Variants in FBLN5 observed in about 807,000 individuals in gnomAD.
The protein encoded by FBLN5 is fibulin 5, also known as fibulin-5.
FBLN5 carries 24 observed loss-of-function variants against 61.6 expected under a neutral mutation model. That is an observed-to-expected ratio of 0.39 (90% CI 0.28 to 0.55). The LOEUF is 0.55. Among genes scored for constraint, FBLN5 ranks in the 20% least tolerant of loss-of-function variants. The pLI is 0.65. For synonymous variants in FBLN5, 213 were observed against 219.8 expected (o/e 0.97, Z 0.27); for missense variants, 470 against 594.1 (o/e 0.79, Z 2.17).
At chr14:91,891,375 CT>C (rs762077090) in intron 5 of FBLN5, 38 bp from the exon 6 acceptor site, 1 of 1,311,036 alleles carries the variant, frequency 7.6e-7, no homozygotes, top group Admixed American at 1.7e-5. Flanking sequence ...GACAGGTCTC[CT>C]CACTCAATGA....
chr14:91,919,401 G>GGAAA (rs1429614614), intron 4 of FBLN5, among the ~76,000 whole-genome samples: 1 of 149,002 alleles, frequency 6.7e-6, no homozygotes, highest in Admixed American at 6.7e-5. Context: ...AAGGAAGGAA[G>GGAAA]GAAGGAAGGA....
At position 91,894,855 on chromosome 14, in the gene FBLN5, C is replaced by A. The variant is rs1181375340; in HGVS notation, c.502+95G>T. On this transcript the variant is annotated intron_variant, in intron 5 of 10. Coordinates refer to ENST00000342058, the MANE Select transcript of FBLN5 (RefSeq NM_006329.4). ...GCCCTCCCTAGCAAAGAAAAGCTTACTACCCTCAGGCAGCCAGCTATGCCC... is the reference window on the plus strand; with the variant it reads ...GCCCTCCCTAGCAAAGAAAAGCTTAATACCCTCAGGCAGCCAGCTATGCCC... 5 of 550,768 alleles carry A rather than the reference C, an allele frequency of 9.1e-6. No individual in the cohort carries two copies. The Middle Eastern group carries it at 9.6e-4, about 105-fold the overall frequency. The allele number at this position is 550,768 out of a possible 1,614,324, so 34.1% of individuals were successfully genotyped here.
At position 91,907,549 on chromosome 14, in the gene FBLN5, G is replaced by A. The variant is rs117619064; in HGVS notation, c.380-12477C>T. Among the ~76,000 whole-genome samples, 73 of 152,148 alleles carry A rather than the reference G, an allele frequency of 4.8e-4. No homozygotes were observed. In the East Asian group the frequency reaches 0.014, roughly 29 times the overall value. On this transcript the variant is annotated intron_variant, in intron 4 of 10. Transcript: ENST00000342058. Reference sequence around the variant, plus strand: ...CACTGTACAGTCAGAGAGCCGGGGGGAGCTTCACTGGAGCAGTTAAAACAC... The same window carrying A: ...CACTGTACAGTCAGAGAGCCGGGGGAAGCTTCACTGGAGCAGTTAAAACAC...
intron 4 of FBLN5, among the ~76,000 whole-genome samples, chr14:91,903,028 C>T (rs1890524298): frequency 6.6e-6 from 1 of 152,102 alleles, no homozygotes; most frequent in African/African-American, 2.4e-5. Flanking sequence ...CTCAGCATCA[C>T]ACAAAATACC....
In FBLN5 at chr14:91,883,009, G is replaced by A. The variant is rs1889549306; in HGVS notation, c.807C>T (p.Tyr269=). The change falls in exon 8 of 11, where the codon TAC becomes TAT. Residue 269 remains tyrosine, a synonymous_variant. Coordinates refer to ENST00000342058, the MANE Select transcript of FBLN5 (RefSeq NM_006329.4). ...QHECVNQPGT[Y]FCSCPPGYIL... ...TGTAGCCTGGAGGGCAGGAGCAGAA[G>A]TATGTGCCGGGCTGGTTCACACACT... 2 of 1,614,186 alleles carry A rather than the reference G, an allele frequency of 1.2e-6. No homozygotes were observed. Among genetic ancestry groups the A allele is most frequent in the Non-Finnish European group, 8.5e-7 (1 of 1,179,988 alleles).
At chr14:91,889,601 C>T (rs1327560882) in intron 6 of FBLN5, among the ~76,000 whole-genome samples, 1 of 152,240 alleles carries the variant, frequency 6.6e-6, no homozygotes. Flanking sequence ...CTGCTGACCT[C>T]AAGAGGCTAT....
At chr14:91,912,817 A>G (rs1393393905) in intron 4 of FBLN5, among the ~76,000 whole-genome samples, 2 of 151,878 alleles carry the variant, frequency 1.3e-5, no homozygotes, top group Non-Finnish European at 2.9e-5. Flanking sequence ...CTCAAAAAAA[A>G]AAAAAAAAAG....
At chr14:91,899,881 G>C (rs934827629) in intron 4 of FBLN5, among the ~76,000 whole-genome samples, 1 of 152,138 alleles carries the variant, frequency 6.6e-6, no homozygotes, top group African/African-American at 2.4e-5. Context: ...GAAGAAACTG[G>C]CCTCAACACA....
rs1400574705 is a variant in FBLN5, at chr14:91,870,110, C to T, written c.*114G>A. On this transcript the variant is annotated 3_prime_UTR_variant, in exon 11 of 11. Coordinates refer to ENST00000342058, the MANE Select transcript of FBLN5 (RefSeq NM_006329.4). ...AGTCGGGGCTGACTCTTCGGGGAAA[C>T]GTTCAGCAGGAAATGCCTAACGTCT... The T allele has an allele frequency of 2.6e-5, 29 of 1,125,256 alleles. No homozygotes were observed. The highest frequency in any genetic ancestry group is 5.6e-5 in the Admixed American group (3 of 54,004). 69.7% of individuals were successfully genotyped at this position (1,125,256 alleles called of 1,614,324 possible). A position where few individuals can be genotyped will look rare whatever the true frequency, so the allele number is the denominator to read the frequency against.
intron 10 of FBLN5, chr14:91,873,416 A>T (rs891972668): frequency 1.3e-5 from 2 of 152,384 alleles, no homozygotes; most frequent in Non-Finnish European, 2.9e-5. Flanking sequence ...ACTGCATGGT[A>T]CTAGACTTTA....
At chr14:91,881,149 ACACACGCATGAG>A in intron 9 of FBLN5, 131 bp downstream of exon 9, 16 of 775,898 alleles carry the variant, frequency 2.1e-5, no homozygotes, top group Non-Finnish European at 2.9e-5. Context: ...ACACACACAC[ACACACGCATGAG>A]CACATGACGT....
intron 4 of FBLN5, among the ~76,000 whole-genome samples, chr14:91,915,920 A>C (rs1805286702): frequency 6.6e-6 from 1 of 152,102 alleles, no homozygotes; most frequent in Admixed American, 6.5e-5. Flanking sequence ...TGGACACCAA[A>C]ACTAGTAAGA....
At chr14:91,921,066 C>A (rs192477940) in intron 4 of FBLN5, among the ~76,000 whole-genome samples, 175 of 152,322 alleles carry the variant, frequency 1.1e-3, no homozygotes, top group Admixed American at 2.2e-3. Flanking sequence ...TTTTAATTCT[C>A]TTACCCAGAT....
chr14:91,933,584 A>T (rs2055963801), intron 4 of FBLN5, among the ~76,000 whole-genome samples: 1 of 152,128 alleles, frequency 6.6e-6, no homozygotes, highest in Middle Eastern at 3.2e-3. Flanking sequence ...TTGTTTTTGT[A>T]AAGAATTTCT....
chr14:91,907,924 G>A (rs1017660294), intron 4 of FBLN5, among the ~76,000 whole-genome samples: 3 of 151,880 alleles, frequency 2.0e-5, no homozygotes, highest in African/African-American at 7.3e-5. Context: ...ATGTCTCTGA[G>A]TTAGCTTCAA....
In FBLN5 at chr14:91,882,989, C is replaced by T. The variant is rs1157582746; in HGVS notation, c.827G>A (p.Gly276Asp). 6.2e-7 allele frequency: 1 copy of T among 1,613,990 alleles called. No individual in the cohort carries two copies. The highest frequency in any genetic ancestry group is 1.3e-5 in the African/African-American group (1 of 74,918). ...TCGGTTGTCATCCAGCAGGATGTAG[C>T]CTGGAGGGCAGGAGCAGAAGTATGT... ...PGTYFCSCPP[G>D]YILLDDNRSC... is the part of the protein sequence containing the mutation. Residue 276 changes from glycine (G) to aspartate (D), a missense_variant, in exon 8 of 11, where the codon GGC (glycine) becomes GAC (aspartate). Physicochemically the swap from Gly to Asp is moderately conservative, Grantham distance 94 (BLOSUM62 -1). Coordinates refer to ENST00000342058, the MANE Select transcript of FBLN5 (RefSeq NM_006329.4). This position sits in a 1 kb window ranked among gnomAD's most constrained non-coding sequence, Gnocchi z 4.9.
intron 4 of FBLN5, among the ~76,000 whole-genome samples, chr14:91,908,686 A>C (rs1830572976): frequency 6.6e-6 from 1 of 152,212 alleles, no homozygotes; most frequent in Non-Finnish European, 1.5e-5. Flanking sequence ...CCTTGACTGT[A>C]CATTTGAATC....
chr14:91,900,038 G>T (rs1890390031), intron 4 of FBLN5, among the ~76,000 whole-genome samples: 1 of 152,228 alleles, frequency 6.6e-6, no homozygotes, highest in African/African-American at 2.4e-5. Context: ...GAGGAAGCCA[G>T]TGGTGATTGG....
At chr14:91,935,452 G>A (rs2055998335) in intron 4 of FBLN5, among the ~76,000 whole-genome samples, 1 of 152,204 alleles carries the variant, frequency 6.6e-6, no homozygotes, top group African/African-American at 2.4e-5. Flanking sequence ...ACACGTAAGG[G>A]CTGATCACTT....
Sources: allele counts gnomAD v4.1 joint callset (sites outside exome capture counted in the v4.1 genomes callset), GRCh38; gene constraint gnomAD v4.1.1; non-coding constraint Gnocchi (gnomAD v3.1); transcripts MANE v1.5; gene names NCBI Gene and HGNC (gene_info 2026-07-23, HGNC 2026-07-21).